MICAL3: variants seen among roughly 807,000 people sequenced by gnomAD.
The protein encoded by MICAL3 is microtubule associated monooxygenase, calponin and LIM domain containing 3.
In MICAL3, 62 loss-of-function variants were observed where a neutral mutation model predicts 207.4. The observed-to-expected ratio is 0.30, with a 90% confidence interval of 0.24 to 0.37. The LOEUF is 0.37. MICAL3 is among the 10% of genes least tolerant of loss of function. MICAL3 has a pLI of 1.00. For missense variants in MICAL3, 2,368 were observed against 2,635.6 expected (o/e 0.90, Z 2.22); for synonymous variants, 1,077 against 1,069.3 (o/e 1.01, Z -0.14).
At chr22:17,802,344 T>C (rs904096521) in intron 29 of MICAL3, among the ~76,000 whole-genome samples, 1 of 152,228 alleles carries the variant, frequency 6.6e-6, no homozygotes, top group Non-Finnish European at 1.5e-5. Context: ...GGATAACAGG[T>C]GTGAATTTTT....
intron 1 of MICAL3, among the ~76,000 whole-genome samples, chr22:18,002,133 A>G (rs1228878603): frequency 6.6e-6 from 1 of 151,206 alleles, no homozygotes; most frequent in Non-Finnish European, 1.5e-5. Context: ...GGGAGGCGGA[A>G]GTTGCAGTGA....
At chr22:17,876,738 ATGGAGGTTAGGGAG>A (rs1362358044) in intron 16 of MICAL3, 2 of 151,268 alleles carry the variant, frequency 1.3e-5, no homozygotes, top group East Asian at 1.9e-4. Context: ...TAGGGAGCTT[ATGGAGGTTAGGGAG>A]GTTAAGGAGG....
chr22:17,884,138 C>G, intron 16 of MICAL3: 1 of 553,296 alleles, frequency 1.8e-6, no homozygotes, highest in Non-Finnish European at 3.2e-6. Flanking sequence ...CCCAGAGCTA[C>G]TACTCGAATG....
At chr22:17,969,275 G>A (rs1388724051) in intron 1 of MICAL3, among the ~76,000 whole-genome samples, 1 of 152,168 alleles carries the variant, frequency 6.6e-6, no homozygotes, top group Non-Finnish European at 1.5e-5. Flanking sequence ...TCCTGACCTC[G>A]TGATCCACCT....
rs1931407596 is a variant in MICAL3 at position 17,902,527 on chromosome 22, C to T, written c.589+104G>A. The T allele has an allele frequency of 7.6e-6, 5 of 661,480 alleles. No homozygotes were observed. The South Asian group carries it at 9.7e-5, about 13-fold the overall frequency. The allele number at this position is 661,480 out of a possible 1,614,324, so 41.0% of individuals were successfully genotyped here. ...CCCCAAAGGCACAGGCTTTGGCTAG[C>T]TCTGGAAGCAGCCCTCAGGAGCCTT... is the stretch of plus-strand genomic sequence containing the variant. On this transcript the variant is annotated intron_variant, in intron 4 of 31. Transcript: ENST00000441493. This position sits in a 1 kb window ranked among gnomAD's most constrained non-coding sequence, Gnocchi z 4.5.
intron 1 of MICAL3, among the ~76,000 whole-genome samples, chr22:17,989,572 C>T (rs1195221987): frequency 2.0e-5 from 3 of 152,130 alleles, no homozygotes; most frequent in Admixed American, 2.0e-4. Flanking sequence ...CAACCCTGAG[C>T]CTGCGCTCAC....
chr22:17,864,508 C>T, intron 19 of MICAL3: 7 of 1,432,658 alleles, frequency 4.9e-6, no homozygotes, highest in Non-Finnish European at 6.4e-6. Context: ...GCCTTGGCCT[C>T]ACCAGGGCGG....
At chr22:17,845,279 G>A (rs987678639) in intron 19 of MICAL3, among the ~76,000 whole-genome samples, 4 of 152,218 alleles carry the variant, frequency 2.6e-5, no homozygotes, top group African/African-American at 9.6e-5. Flanking sequence ...TTACAGTAGA[G>A]TGAACGAAAC....
At chr22:17,868,780 G>A (rs1274062312) in intron 17 of MICAL3, among the ~76,000 whole-genome samples, 1 of 152,034 alleles carries the variant, frequency 6.6e-6, no homozygotes, top group Non-Finnish European at 1.5e-5. Context: ...CATTCACCCA[G>A]GCCCGAGTGC....
At chr22:17,938,285 C>T (rs1237816734) in intron 1 of MICAL3, among the ~76,000 whole-genome samples, 3 of 152,196 alleles carry the variant, frequency 2.0e-5, no homozygotes, top group Non-Finnish European at 1.5e-5. Flanking sequence ...ACAAAGAACT[C>T]ACAGGTGTCA....
chr22:17,967,545 C>T (rs1311088345), intron 1 of MICAL3, among the ~76,000 whole-genome samples: 1 of 151,950 alleles, frequency 6.6e-6, no homozygotes, highest in Admixed American at 6.6e-5. Flanking sequence ...GACAACAGCT[C>T]AGAAGAGAGG....
In MICAL3 at chr22:17,865,962, G is replaced by T; in HGVS notation, c.2479C>A (p.Gln827Lys). Residue 827 changes from glutamine (Q) to lysine (K), a missense_variant, in exon 18 of 32, where the codon CAA (glutamine) becomes AAA (lysine). By Grantham distance (53) the Gln-to-Lys change is moderately conservative (BLOSUM62 1). Transcript: ENST00000441493. ...GGAGCCACTGCCGGTCTCTTCCTTT[G>T]TGCGTAGCCAGAGAGTCGATAGCAG... is the stretch of plus-strand genomic sequence containing the variant. ...HYCYRLSGYA[Q>K]RKRPAVAPLS... 1 of 1,614,004 alleles carries T rather than the reference G, an allele frequency of 6.2e-7. No individual in the cohort carries two copies. The highest frequency in any genetic ancestry group is 8.5e-7 in the Non-Finnish European group (1 of 1,179,872).
chr22:17,962,086 G>A (rs1284951269), intron 1 of MICAL3, among the ~76,000 whole-genome samples: 1 of 152,210 alleles, frequency 6.6e-6, no homozygotes, highest in African/African-American at 2.4e-5. Flanking sequence ...GCCAGTGACT[G>A]GAGAGAGGGG....
chr22:17,791,178 C>A, intron 30 of MICAL3, 24 bp downstream of exon 30: 2 of 1,611,566 alleles, frequency 1.2e-6, no homozygotes, highest in South Asian at 1.1e-5. Flanking sequence ...ATAGCGCTGA[C>A]GCCCCCTACC....
chr22:17,960,242 T>C (rs1237524436), intron 1 of MICAL3, among the ~76,000 whole-genome samples: 1 of 144,964 alleles, frequency 6.9e-6, no homozygotes, highest in East Asian at 1.9e-4. Flanking sequence ...ACGGGCTCCG[T>C]GCTAGGCAGT....
At chr22:17,964,827 C>T (rs943403874) in intron 1 of MICAL3, among the ~76,000 whole-genome samples, 6 of 152,188 alleles carry the variant, frequency 3.9e-5, no homozygotes, top group East Asian at 1.9e-4. Flanking sequence ...ACAAAAACCC[C>T]GAATTGCTCA....
chr22:17,817,245 C>A, intron 26 of MICAL3, 66 bp downstream of exon 26: 1 of 1,474,974 alleles, frequency 6.8e-7, no homozygotes, highest in South Asian at 1.4e-5. Flanking sequence ...CTGAGAGCCC[C>A]AGTGACCCCA....
chr22:17,947,867 A>T (rs919766322), intron 1 of MICAL3, among the ~76,000 whole-genome samples: 1 of 152,158 alleles, frequency 6.6e-6, no homozygotes. Flanking sequence ...ATCTGGCCTA[A>T]CTTAACAATG....
intron 1 of MICAL3, among the ~76,000 whole-genome samples, chr22:17,923,765 A>G (rs1444284060): frequency 6.6e-6 from 1 of 152,282 alleles, no homozygotes; most frequent in Non-Finnish European, 1.5e-5. Flanking sequence ...GGGATATTAG[A>G]AAGTGTTACT....
Sources: gnomAD v4.1 joint callset for allele counts (sites outside exome capture counted in the v4.1 genomes callset) on GRCh38, gnomAD v4.1.1 for gene constraint, Gnocchi (gnomAD v3.1) non-coding constraint, MANE v1.5 for transcripts, NCBI Gene and HGNC (gene_info 2026-07-23, HGNC 2026-07-21) for gene names.